PALM2AKAP2: variants seen among roughly 807,000 people sequenced by gnomAD.
The protein encoded by PALM2AKAP2 is PALM2-AKAP2 fusion protein.
A neutral mutation model predicts 71.5 loss-of-function variants in PALM2AKAP2; 37 were observed. The observed-to-expected ratio is 0.52, with a 90% CI of 0.40 to 0.68. The LOEUF is 0.68. Ranked by LOEUF, PALM2AKAP2 falls within the 30% of genes least tolerant of loss-of-function variation. The probability of loss-of-function intolerance (pLI) is 0.00; values close to 1 mark genes in which losing one functional copy is unlikely to be tolerated. For synonymous variants in PALM2AKAP2, 468 were observed against 478.8 expected, an observed-to-expected ratio of 0.98 and a Z score of 0.29; for missense variants, 1,224 against 1,191.8, an observed-to-expected ratio of 1.03 and a Z score of -0.40.
At chr9:110,098,069 G>A (rs1209703907) in intron 1 of PALM2AKAP2, among the ~76,000 whole-genome samples, 1 of 145,906 alleles carries the variant, frequency 6.9e-6, no homozygotes, top group African/African-American at 2.7e-5. Flanking sequence ...GCTGAGGCAG[G>A]AGAATCAGGC....
At chr9:110,127,785 C>G (rs1835644969) in intron 1 of PALM2AKAP2, 2 of 152,254 alleles carry the variant, frequency 1.3e-5, no homozygotes, top group Admixed American at 1.3e-4. Context: ...TTGCCCGGCA[C>G]AGTTTGCGCC....
intron 2 of PALM2AKAP2, among the ~76,000 whole-genome samples, chr9:110,155,304 A>G (rs1458910381): frequency 6.6e-6 from 1 of 152,240 alleles, no homozygotes; most frequent in Non-Finnish European, 1.5e-5. Context: ...TTTTATCCAC[A>G]TTCCTTGTTC....
At chr9:110,147,087 C>T (rs925000730) in intron 2 of PALM2AKAP2, among the ~76,000 whole-genome samples, 2 of 151,830 alleles carry the variant, frequency 1.3e-5, no homozygotes, top group Non-Finnish European at 2.9e-5. Context: ...CCCATGTCTA[C>T]CAAAAATATA....
At chr9:109,935,268 A>G (rs1831195335) in intron 6 of PALM2AKAP2, among the ~76,000 whole-genome samples, 1 of 152,242 alleles carries the variant, frequency 6.6e-6, no homozygotes, top group African/African-American at 2.4e-5. Flanking sequence ...CTCAAATCTG[A>G]AAAAGCAATC....
At chr9:109,727,646 G>A (rs953611315) in intron 1 of PALM2AKAP2, among the ~76,000 whole-genome samples, 4 of 152,270 alleles carry the variant, frequency 2.6e-5, no homozygotes, top group African/African-American at 9.6e-5. Context: ...GAGGCAAAAT[G>A]AATATAAAAG....
intron 4 of PALM2AKAP2, among the ~76,000 whole-genome samples, chr9:109,924,070 G>A (rs549148120): frequency 6.6e-6 from 1 of 152,310 alleles, no homozygotes; most frequent in South Asian, 2.1e-4. Flanking sequence ...AAGGCATAGG[G>A]AAGAGTCATT....
chr9:109,959,424 C>CACAA (rs1831810567), intron 6 of PALM2AKAP2, among the ~76,000 whole-genome samples: 1 of 152,012 alleles, frequency 6.6e-6, no homozygotes, highest in Non-Finnish European at 1.5e-5. Flanking sequence ...GCGGGCAGAT[C>CACAA]ACAAGCTCAG....
At chr9:109,933,595 T>G (rs1225570520) in intron 6 of PALM2AKAP2, among the ~76,000 whole-genome samples, 1 of 152,262 alleles carries the variant, frequency 6.6e-6, no homozygotes, top group Non-Finnish European at 1.5e-5. Flanking sequence ...ATTGTAGTGC[T>G]GTGTAAGCAG....
chr9:109,975,744 A>C (rs924319443), intron 6 of PALM2AKAP2, among the ~76,000 whole-genome samples: 7 of 152,226 alleles, frequency 4.6e-5, no homozygotes, highest in African/African-American at 1.7e-4. Context: ...GGTTATGGGC[A>C]GAGAACCTGC....
chr9:109,813,035 T>C (rs1242738692), intron 1 of PALM2AKAP2, among the ~76,000 whole-genome samples: 1 of 152,196 alleles, frequency 6.6e-6, no homozygotes, highest in African/African-American at 2.4e-5. Context: ...CCAAATCAAA[T>C]CTTTGATGGT....
At chr9:109,886,873 C>T (rs114834075) in intron 3 of PALM2AKAP2, among the ~76,000 whole-genome samples, 508 of 152,326 alleles carry the variant, frequency 3.3e-3, no homozygotes, top group African/African-American at 0.011. Context: ...GTAACTGATT[C>T]ATCACAGAGA....
At chr9:109,757,728 T>A (rs555597061) in intron 1 of PALM2AKAP2, among the ~76,000 whole-genome samples, 1 of 152,086 alleles carries the variant, frequency 6.6e-6, no homozygotes, top group African/African-American at 2.4e-5. Context: ...GAGATCAACT[T>A]CATCATTTAC....
chr9:109,714,890 C>T (rs1335979557), intron 1 of PALM2AKAP2, among the ~76,000 whole-genome samples: 1 of 152,170 alleles, frequency 6.6e-6, no homozygotes, highest in Non-Finnish European at 1.5e-5. Flanking sequence ...GTCAGCTGAG[C>T]ATGAGAGTTC....
chr9:109,784,569 T>C (rs749325258), intron 1 of PALM2AKAP2, among the ~76,000 whole-genome samples: 6 of 152,260 alleles, frequency 3.9e-5, no homozygotes, highest in Non-Finnish European at 8.8e-5. Flanking sequence ...GAGTGAACAC[T>C]GAAATGCTTT....
At chr9:109,671,515 A>G (rs971470765) in intron 1 of PALM2AKAP2, among the ~76,000 whole-genome samples, 1 of 152,182 alleles carries the variant, frequency 6.6e-6, no homozygotes, top group Admixed American at 6.6e-5. Context: ...GCCCTGTAGC[A>G]TAGTTCGAAG....
At chr9:109,942,619 G>C (rs548805075) in intron 6 of PALM2AKAP2, 1 of 1,498,092 alleles carries the variant, frequency 6.7e-7, no homozygotes, top group Non-Finnish European at 8.9e-7. Flanking sequence ...TTGTCTGTTT[G>C]GCAATTAACC....
At chr9:109,802,672 T>G (rs1463257678) in intron 1 of PALM2AKAP2, among the ~76,000 whole-genome samples, 2 of 152,230 alleles carry the variant, frequency 1.3e-5, no homozygotes, top group Non-Finnish European at 2.9e-5. Flanking sequence ...CACTCACTTC[T>G]TAACTGCCTT....
intron 1 of PALM2AKAP2, among the ~76,000 whole-genome samples, chr9:109,835,949 G>C (rs945647425): frequency 6.6e-6 from 1 of 152,210 alleles, no homozygotes; most frequent in Non-Finnish European, 1.5e-5. Context: ...CTCCATCTCT[G>C]GGGGCAGGGC....
chr9:110,138,468 A>G (rs1477030520), exon 2 of PALM2AKAP2: 1 of 1,614,230 alleles, frequency 6.2e-7, no homozygotes, highest in Non-Finnish European at 8.5e-7. Flanking sequence ...CAAGTCTTGC[A>G]GAGTACGCAG....
Sources: gnomAD v4.1 joint callset for allele counts (sites outside exome capture counted in the v4.1 genomes callset) on GRCh38, gnomAD v4.1.1 for gene constraint, MANE v1.5 for transcripts, NCBI Gene and HGNC (gene_info 2026-07-23, HGNC 2026-07-21) for gene names.